ACAP2: variants seen among roughly 807,000 people sequenced by gnomAD.
ACAP2 encodes arf-GAP with coiled-coil, ANK repeat and PH domain-containing protein 2.
In ACAP2, 39 loss-of-function variants were observed where a neutral mutation model predicts 115.8. The observed-to-expected ratio is 0.34, with a 90% CI of 0.26 to 0.44. The LOEUF is 0.44. Among genes scored for constraint, ACAP2 ranks in the 20% least tolerant of loss-of-function variants. The probability of loss-of-function intolerance (pLI) is 1.00; values close to 1 mark genes in which losing one functional copy is unlikely to be tolerated. For synonymous variants in ACAP2, 289 were observed against 315.8 expected (o/e 0.92, Z 0.90); for missense variants, 662 against 927.6 (o/e 0.71, Z 3.72).
chr3:195,283,347 G>A (rs940633788), intron 22 of ACAP2, among the ~76,000 whole-genome samples: 2 of 152,176 alleles, frequency 1.3e-5, no homozygotes, highest in South Asian at 2.1e-4. Flanking sequence ...CAGGTCCCTA[G>A]GGTTGTACAG....
chr3:195,381,757 T>C, intron 3 of ACAP2, 146 bp downstream of exon 3: 2 of 829,666 alleles, frequency 2.4e-6, no homozygotes, highest in South Asian at 1.9e-5. Context: ...AACAGAATCA[T>C]ACAAGAGAGC....
At chr3:195,381,787 T>C in intron 3 of ACAP2, 116 bp downstream of exon 3, 1 of 1,256,710 alleles carries the variant, frequency 8.0e-7, no homozygotes, top group Non-Finnish European at 1.1e-6. Context: ...TGACCACTTT[T>C]CTACTTCTAA....
chr3:195,403,927 C>A (rs1272068344), intron 1 of ACAP2, among the ~76,000 whole-genome samples: 1 of 152,048 alleles, frequency 6.6e-6, no homozygotes, highest in Non-Finnish European at 1.5e-5. Context: ...TTAGACTGGA[C>A]ATTATTAAAA....
intron 1 of ACAP2, among the ~76,000 whole-genome samples, chr3:195,435,436 G>C (rs917979252): frequency 6.6e-6 from 1 of 151,912 alleles, no homozygotes; most frequent in Non-Finnish European, 1.5e-5. Context: ...AAAGTGCTGG[G>C]ATTACAGGGA....
chr3:195,279,197 G>T lies in ACAP2; in HGVS notation c.*131C>A. 8.6e-6 allele frequency: 5 copies of T among 582,524 alleles called. No homozygotes were observed. The highest frequency in any genetic ancestry group is 3.7e-5 in the Admixed American group (1 of 27,196). The allele number at this position is 582,524 out of a possible 1,614,324, so 36.1% of individuals were successfully genotyped here. A position where few individuals can be genotyped will look rare whatever the true frequency, so the allele number is the denominator to read the frequency against. ...GTTTTAATTTATAAATATATGAATG[G>T]GTACCTCTTTTCCAAGCCATTCAAT... is the stretch of plus-strand genomic sequence containing the variant. On this transcript the variant is annotated 3_prime_UTR_variant, in exon 23 of 23. Transcript: ENST00000326793.
intron 10 of ACAP2, among the ~76,000 whole-genome samples, chr3:195,318,155 C>A (rs1181613099): frequency 6.6e-6 from 1 of 152,178 alleles, no homozygotes; most frequent in Non-Finnish European, 1.5e-5. Context: ...TCTAAGTTTC[C>A]TGAGGCTTCC....
intron 10 of ACAP2, 38 bp from the exon 11 acceptor site, chr3:195,308,875 T>C: frequency 6.5e-7 from 1 of 1,530,610 alleles, no homozygotes; most frequent in Non-Finnish European, 8.9e-7. Context: ...TTCATAAACA[T>C]AATTTATTTC....
At chr3:195,437,733 T>C (rs894908785) in intron 1 of ACAP2, among the ~76,000 whole-genome samples, 10 of 142,422 alleles carry the variant, frequency 7.0e-5, no homozygotes, top group Non-Finnish European at 1.2e-4. Context: ...GAGAATCACC[T>C]GAACCAGGGA....
intron 4 of ACAP2, among the ~76,000 whole-genome samples, chr3:195,379,413 T>A (rs574105899): frequency 3.9e-5 from 6 of 152,288 alleles, no homozygotes; most frequent in South Asian, 4.1e-4. Context: ...GTATAACATA[T>A]ACTGATAAGG....
At chr3:195,412,765 T>G in intron 1 of ACAP2, 1 of 347,894 alleles carries the variant, frequency 2.9e-6, no homozygotes, top group South Asian at 2.2e-5. Context: ...TTGAAATAAG[T>G]AGTAATTTAA....
intron 1 of ACAP2, among the ~76,000 whole-genome samples, chr3:195,411,307 G>A (rs1044047251): frequency 5.3e-5 from 8 of 152,218 alleles, no homozygotes; most frequent in Non-Finnish European, 1.0e-4. Flanking sequence ...TGAAAACTGA[G>A]TACCGAAGAA....
At chr3:195,334,982 C>CTATG (rs1560255828) in intron 7 of ACAP2, among the ~76,000 whole-genome samples, 1 of 152,104 alleles carries the variant, frequency 6.6e-6, no homozygotes, top group Non-Finnish European at 1.5e-5. Context: ...GGTCAGTAAA[C>CTATG]TATGACCTGC....
chr3:195,414,579 C>G (rs930774009), intron 1 of ACAP2, among the ~76,000 whole-genome samples: 3 of 152,116 alleles, frequency 2.0e-5, no homozygotes, highest in Non-Finnish European at 4.4e-5. Flanking sequence ...ATCCAGACAA[C>G]AGAGTATCAT....
intron 15 of ACAP2, among the ~76,000 whole-genome samples, chr3:195,298,252 C>CTTTTTTT (rs33951107): frequency 9.1e-6 from 1 of 109,960 alleles, no homozygotes; most frequent in African/African-American, 3.6e-5. Flanking sequence ...TTTCTCTCCT[C>CTTTTTTT]TTTTTTTTTT....
chr3:195,313,781 T>A (rs1221219078), intron 10 of ACAP2, among the ~76,000 whole-genome samples: 1 of 152,208 alleles, frequency 6.6e-6, no homozygotes, highest in Admixed American at 6.5e-5. Flanking sequence ...AAATAAATTA[T>A]GTTAGTATCT....
At chr3:195,363,629 A>G (rs1278885045) in intron 4 of ACAP2, among the ~76,000 whole-genome samples, 1 of 136,504 alleles carries the variant, frequency 7.3e-6, no homozygotes. Flanking sequence ...ACATACACAC[A>G]CACACACACA....
intron 4 of ACAP2, 113 bp downstream of exon 4, chr3:195,380,896 C>T (rs763221837): frequency 1.1e-5 from 10 of 931,754 alleles, no homozygotes; most frequent in East Asian, 2.7e-5. Context: ...AAAAAGTTGA[C>T]GACCAATCAA....
In ACAP2 at chr3:195,333,102, G is replaced by T; in HGVS notation, c.595C>A (p.His199Asn). The T allele has an allele frequency of 6.2e-7, 1 of 1,604,232 alleles. No individual in the cohort carries two copies. The highest frequency in any genetic ancestry group is 1.1e-5 in the South Asian group (1 of 89,564). The change falls in exon 8 of 23, where the codon CAT becomes AAT. Residue 199 changes from histidine (H) to asparagine (N), a missense_variant. His to Asn is a moderately conservative substitution (Grantham distance 68). Transcript: ENST00000326793. ...TATCCTTGATGAAAGAAGGCCAAAT[G>T]GGCATACATAAATGACAACATCTAA... is the stretch of plus-strand genomic sequence containing the variant. ...LKSMLSFMYA[H>N]LAFFHQGYDL...
chr3:195,309,114 T>G (rs1728595812), intron 10 of ACAP2, among the ~76,000 whole-genome samples: 1 of 152,250 alleles, frequency 6.6e-6, no homozygotes. Flanking sequence ...TTATCCTGTA[T>G]GCTATCACCA....
Sources: gnomAD v4.1 joint callset for allele counts (sites outside exome capture counted in the v4.1 genomes callset) on GRCh38, gnomAD v4.1.1 for gene constraint, MANE v1.5 for transcripts, NCBI Gene and HGNC (gene_info 2026-07-23, HGNC 2026-07-21) for gene names.